Variants in GABRG3 observed in about 807,000 individuals in gnomAD.
The protein encoded by GABRG3 is gamma-aminobutyric acid receptor subunit gamma-3.
In GABRG3, 25 loss-of-function variants were observed where a neutral mutation model predicts 48.8. That is an observed-to-expected ratio of 0.51 (90% CI 0.37 to 0.72). The LOEUF (loss-of-function observed/expected upper bound fraction) is 0.72, where lower values mean the gene tolerates loss of function less well. Ranked by LOEUF, GABRG3 falls within the 30% of genes least tolerant of loss-of-function variation. GABRG3 has a pLI of 0.00. For synonymous variants in GABRG3, 227 were observed against 217.6 expected (o/e 1.04, Z -0.38); for missense variants, 394 against 577.9 (o/e 0.68, Z 3.26).
intron 3 of GABRG3, among the ~76,000 whole-genome samples, chr15:27,209,349 TC>T (rs1888991942): frequency 1.0e-5 from 1 of 98,136 alleles, no homozygotes; most frequent in Non-Finnish European, 2.2e-5. Flanking sequence ...TTTCTTTCTT[TC>T]CTTCCTTCCT....
chr15:27,071,980 A>C (rs537797265), intron 3 of GABRG3, among the ~76,000 whole-genome samples: 10 of 152,314 alleles, frequency 6.6e-5, no homozygotes, highest in African/African-American at 2.4e-4. Flanking sequence ...CTAAATCAGG[A>C]CGGTATTTAA....
At chr15:27,094,241 G>C (rs1897238236) in intron 3 of GABRG3, among the ~76,000 whole-genome samples, 1 of 152,108 alleles carries the variant, frequency 6.6e-6, no homozygotes, top group South Asian at 2.1e-4. Context: ...AGGCTGCAGG[G>C]GTGAGCATTA....
rs1897408256 is a variant in GABRG3, at chr15:27,104,124, T to C, written c.270+77303T>C. 2.6e-5 allele frequency among the ~76,000 whole-genome samples: 4 copies of C among 152,270 alleles called. No individual in the cohort carries two copies. In the South Asian group the frequency reaches 8.3e-4, roughly 31 times the overall value. On this transcript the variant is annotated intron_variant, in intron 3 of 9. Transcript: ENST00000615808. ...AGAAAATGAAATGGCCCTTGCCTTT[T>C]AGTGTTTCAAGAAGAGAAAATTTAA... is the stretch of plus-strand genomic sequence containing the variant.
At chr15:27,347,858 ACTCT>A (rs1218180099) in intron 5 of GABRG3, among the ~76,000 whole-genome samples, 1 of 151,620 alleles carries the variant, frequency 6.6e-6, no homozygotes, top group African/African-American at 2.4e-5. Flanking sequence ...ACCTGCTGTG[ACTCT>A]CTATTAACCT....
chr15:27,310,432 T>C (rs1892957149), intron 3 of GABRG3, among the ~76,000 whole-genome samples: 1 of 152,148 alleles, frequency 6.6e-6, no homozygotes, highest in African/African-American at 2.4e-5. Flanking sequence ...ATGAGTATTA[T>C]TCTATAGAGT....
In GABRG3 at chr15:27,050,218, C is replaced by T. The variant is rs554396055; in HGVS notation, c.270+23397C>T. Reference sequence around the variant, plus strand: ...TTTGATGACACACAAAGAGATTAGCCGTAGGGAAAAGACACAATATTTTAC... The same window carrying T: ...TTTGATGACACACAAAGAGATTAGCTGTAGGGAAAAGACACAATATTTTAC... On this transcript the variant is annotated intron_variant, in intron 3 of 9. Transcript: ENST00000615808. Among the ~76,000 whole-genome samples, 36 of 152,274 alleles carry T rather than the reference C, an allele frequency of 2.4e-4. 1 individual carries two copies. The highest frequency in any genetic ancestry group is 7.0e-4 in the African/African-American group (29 of 41,552).
chr15:27,194,884 A>G (rs1566961245), intron 3 of GABRG3, among the ~76,000 whole-genome samples: 1 of 152,178 alleles, frequency 6.6e-6, no homozygotes, highest in Non-Finnish European at 1.5e-5. Context: ...AAATTCTGAC[A>G]GTATAAAAGT....
intron 3 of GABRG3, among the ~76,000 whole-genome samples, chr15:27,314,267 G>A (rs1289853801): frequency 6.6e-6 from 1 of 152,096 alleles, no homozygotes; most frequent in Admixed American, 6.5e-5. Flanking sequence ...GACTATACAT[G>A]TCTCCCAAGA....
intron 3 of GABRG3, among the ~76,000 whole-genome samples, chr15:27,232,588 G>T (rs1889833146): frequency 6.6e-6 from 1 of 152,164 alleles, no homozygotes; most frequent in Non-Finnish European, 1.5e-5. Flanking sequence ...TCTCCTGCCA[G>T]ACCATGTTCT....
At chr15:27,361,304 TG>T (rs994614106) in intron 5 of GABRG3, among the ~76,000 whole-genome samples, 3 of 152,142 alleles carry the variant, frequency 2.0e-5, no homozygotes, top group South Asian at 4.1e-4. Flanking sequence ...AACACATTTC[TG>T]GGTCTTGGGT....
At chr15:27,091,142 A>G (rs1897178123) in intron 3 of GABRG3, among the ~76,000 whole-genome samples, 1 of 152,196 alleles carries the variant, frequency 6.6e-6, no homozygotes. Context: ...CATACATTTT[A>G]TCATGTTGAG....
chr15:27,476,078 C>G (rs1469269730), intron 5 of GABRG3, among the ~76,000 whole-genome samples: 1 of 152,064 alleles, frequency 6.6e-6, no homozygotes, highest in Non-Finnish European at 1.5e-5. Context: ...AAAAAGCCAG[C>G]AAAGAACTCA....
At chr15:27,276,985 T>C (rs79800392) in intron 3 of GABRG3, among the ~76,000 whole-genome samples, 2,540 of 152,260 alleles carry the variant, frequency 0.017, 74 homozygotes, top group African/African-American at 0.058. Context: ...TTGTGGTTTG[T>C]TTAGATGAAA....
chr15:27,527,350 G>A, intron 7 of GABRG3, 83 bp from the exon 8 acceptor site: 1 of 1,291,446 alleles, frequency 7.7e-7, no homozygotes, highest in Middle Eastern at 2.7e-4. Flanking sequence ...CAGCCGTGCT[G>A]GGGTGGAGGG....
At position 27,389,397 on chromosome 15, in the gene GABRG3, T is replaced by G. The variant is rs568558317; in HGVS notation, c.574+60509T>G. On this transcript the variant is annotated intron_variant, in intron 5 of 9. Coordinates refer to ENST00000615808, the MANE Select transcript of GABRG3 (RefSeq NM_033223.5). ...GTGCAGGTTTCATTTAAGTTTTTCC[T>G]GCACCACAGGGAACACACCATATGC... Among the ~76,000 whole-genome samples, 5 of 152,348 alleles carry G rather than the reference T, an allele frequency of 3.3e-5. No homozygotes were observed. In the South Asian group the frequency reaches 1.0e-3, roughly 32 times the overall value.
chr15:27,163,634 C>T (rs945452362), intron 3 of GABRG3, among the ~76,000 whole-genome samples: 4 of 152,154 alleles, frequency 2.6e-5, no homozygotes, highest in African/African-American at 9.7e-5. Flanking sequence ...GAGACCCTGT[C>T]TCATAAATAC....
chr15:27,355,713 G>A (rs1288268551), intron 5 of GABRG3, among the ~76,000 whole-genome samples: 2 of 152,146 alleles, frequency 1.3e-5, no homozygotes, highest in African/African-American at 4.8e-5. Context: ...AAAAGTGGGG[G>A]GAAACCCAGA....
At chr15:27,126,172 C>T (rs918346000) in intron 3 of GABRG3, among the ~76,000 whole-genome samples, 1 of 152,202 alleles carries the variant, frequency 6.6e-6, no homozygotes, top group African/African-American at 2.4e-5. Context: ...AACAGGGCTT[C>T]TTTATTTTAC....
intron 6 of GABRG3, among the ~76,000 whole-genome samples, chr15:27,496,506 T>C (rs11635961): frequency 0.66 from 100,964 of 152,100 alleles, 33,912 homozygotes; most frequent in East Asian, 0.86. Context: ...TTCTGGGTTA[T>C]GTGATGCAAA....
Sources: gnomAD v4.1 joint callset for allele counts (sites outside exome capture counted in the v4.1 genomes callset) on GRCh38, gnomAD v4.1.1 for gene constraint, MANE v1.5 for transcripts, NCBI Gene and HGNC (gene_info 2026-07-23, HGNC 2026-07-21) for gene names.